The following WFDC3 variants were observed in gnomAD, a reference collection of about 807,000 sequenced individuals.
WFDC3 encodes WAP four-disulfide core domain protein 3.
WFDC3 carries 15 observed loss-of-function variants against 25.8 expected under a neutral mutation model. That is an observed-to-expected ratio of 0.58 (90% confidence interval 0.39 to 0.89). The LOEUF is 0.89. Among genes scored for constraint, WFDC3 ranks in the 40% least tolerant of loss-of-function variants. The pLI, the probability that WFDC3 is intolerant of heterozygous loss-of-function variation, is 0.00. For synonymous variants in WFDC3, 103 were observed against 107.1 expected (o/e 0.96, Z 0.24); for missense variants, 264 against 289.8 (o/e 0.91, Z 0.65).
chr20:45,775,348 C>G, intron 6 of WFDC3, 69 bp downstream of exon 6: 2 of 1,558,466 alleles, frequency 1.3e-6, no homozygotes, highest in Non-Finnish European at 1.7e-6. Context: ...GTCCCCTTCC[C>G]AGCACCTAAG....
At chr20:45,780,308 C>T (rs1170131155) in intron 4 of WFDC3, among the ~76,000 whole-genome samples, 4 of 152,012 alleles carry the variant, frequency 2.6e-5, no homozygotes, top group Non-Finnish European at 5.9e-5. Flanking sequence ...ACCTTCTGGC[C>T]TCAAGCAATC....
chr20:45,788,197 G>A (rs907372890), intron 3 of WFDC3: 4 of 354,140 alleles, frequency 1.1e-5, no homozygotes, highest in African/African-American at 6.5e-5. Flanking sequence ...CCAGCTACTT[G>A]GGAGGCTGAG....
At chr20:45,789,137 C>G in intron 2 of WFDC3, 78 bp from the exon 3 acceptor site, 1 of 1,564,500 alleles carries the variant, frequency 6.4e-7, no homozygotes, top group Non-Finnish European at 8.6e-7. Context: ...CCCCTCCAGG[C>G]ATCTCTATCC....
intron 4 of WFDC3, among the ~76,000 whole-genome samples, chr20:45,786,135 C>T (rs1323776575): frequency 6.6e-6 from 1 of 152,192 alleles, no homozygotes; most frequent in African/African-American, 2.4e-5. Context: ...CACGGTGGCT[C>T]ACGCCAGCCC....
intron 4 of WFDC3, among the ~76,000 whole-genome samples, chr20:45,784,664 C>G (rs1980592483): frequency 6.6e-6 from 1 of 152,158 alleles, no homozygotes; most frequent in Admixed American, 6.6e-5. Flanking sequence ...TCGCTTGAAC[C>G]TGGGAGGTGG....
rs1158318114 is a variant in WFDC3, at chr20:45,787,282, C to CTT, written c.358+552_358+553dup. ...GAATTACCCAGTGGTTTTCTTTTTT[C>CTT]TTTTTTTTTTTTTTTTTTTTTTTTT... On this transcript the variant is annotated intron_variant, in intron 4 of 6. Transcript: ENST00000243938. Among the ~76,000 whole-genome samples, 223 of 73,698 alleles carry CTT rather than the reference C, an allele frequency of 3.0e-3. 12 individuals are homozygous for CTT. The highest frequency in any genetic ancestry group is 5.5e-3 in the African/African-American group (97 of 17,504). 48.3% of individuals were successfully genotyped at this position (73,698 alleles called of 152,430 possible).
intron 4 of WFDC3, among the ~76,000 whole-genome samples, chr20:45,777,539 G>T (rs188948127): frequency 5.3e-5 from 8 of 151,972 alleles, no homozygotes; most frequent in Non-Finnish European, 1.0e-4. Context: ...ATTTTGTAGA[G>T]ACAGGGTCTC....
intron 3 of WFDC3, 141 bp downstream of exon 3, chr20:45,788,790 C>A: frequency 2.6e-6 from 3 of 1,169,588 alleles, no homozygotes; most frequent in Non-Finnish European, 2.4e-6. Context: ...GGAGGAGGGA[C>A]CCTAAAAGAG....
chr20:45,788,024 C>A (rs1197852243), intron 3 of WFDC3, 42 bp from the exon 4 acceptor site: 4 of 1,594,676 alleles, frequency 2.5e-6, no homozygotes, highest in Non-Finnish European at 3.4e-6. Flanking sequence ...AGAAAATAGG[C>A]CGAGCGCCAT....
chr20:45,787,654 C>T (rs1302509200), intron 4 of WFDC3, among the ~76,000 whole-genome samples, 182 bp downstream of exon 4: 3 of 152,060 alleles, frequency 2.0e-5, no homozygotes, highest in Non-Finnish European at 4.4e-5. Context: ...CTGGCACCCT[C>T]CCTCTGCCTG....
chr20:45,777,131 C>T lies in WFDC3; in HGVS notation c.437G>A (p.Gly146Glu). The T allele has an allele frequency of 1.2e-6, 2 of 1,611,338 alleles. No individual in the cohort carries two copies. The highest frequency in any genetic ancestry group is 1.7e-6 in the Non-Finnish European group (2 of 1,178,884). ...ACAGCCGGTGCTGCAGCATTTATGC[C>T]CCTGGGGACAGGATGCATCCCCATC... Reference protein sequence around the residue: ...LCDGDASCPQGHKCCSTGCGR... With the variant: ...LCDGDASCPQEHKCCSTGCGR... The change falls in exon 5 of 7, where the codon GGG becomes GAG. Residue 146 changes from glycine to glutamate, a missense_variant. Transcript: ENST00000243938.
intron 4 of WFDC3, among the ~76,000 whole-genome samples, chr20:45,787,282 C>CTTTTT (rs1158318114): frequency 9.5e-5 from 7 of 73,686 alleles, no homozygotes; most frequent in Admixed American, 1.4e-4. Flanking sequence ...TTTCTTTTTT[C>CTTTTT]TTTTTTTTTT....
At chr20:45,790,715 ACT>A (rs1270642125) in intron 1 of WFDC3, among the ~76,000 whole-genome samples, 3 of 150,618 alleles carry the variant, frequency 2.0e-5, no homozygotes, top group African/African-American at 7.3e-5. Context: ...ACAGAGTGAG[ACT>A]CTGTCTCAAA....
chr20:45,782,161 T>C (rs1980473855), intron 4 of WFDC3, among the ~76,000 whole-genome samples: 1 of 152,104 alleles, frequency 6.6e-6, no homozygotes, highest in Non-Finnish European at 1.5e-5. Context: ...CCAAAACCTC[T>C]TCCCCCAGGT....
intron 4 of WFDC3, among the ~76,000 whole-genome samples, chr20:45,785,427 C>T (rs1455592007): frequency 6.7e-6 from 1 of 150,102 alleles, no homozygotes; most frequent in African/African-American, 2.5e-5. Context: ...CAAGATCACG[C>T]CACTGTACTC....
intron 6 of WFDC3, 72 bp downstream of exon 6, chr20:45,775,345 T>C: frequency 1.3e-6 from 2 of 1,556,856 alleles, no homozygotes; most frequent in Non-Finnish European, 1.7e-6. Context: ...GAAGTCCCCT[T>C]CCCAGCACCT....
At position 45,786,776 on chromosome 20, in the gene WFDC3, G is replaced by A. The variant is rs540417438; in HGVS notation, c.358+1060C>T. 7.2e-5 allele frequency among the ~76,000 whole-genome samples: 11 copies of A among 152,168 alleles called. No homozygotes were observed. The South Asian group carries it at 8.3e-4, about 11-fold the overall frequency. On this transcript the variant is annotated intron_variant, in intron 4 of 6. Coordinates refer to ENST00000243938, the MANE Select transcript of WFDC3 (RefSeq NM_080614.2). ...GTTTCCCACAGGAGACAGCCCCGCC[G>A]TGTGTGTACATAGGGAACATAAGAA...
intron 6 of WFDC3, among the ~76,000 whole-genome samples, chr20:45,774,821 T>C (rs899899240): frequency 6.6e-6 from 1 of 151,430 alleles, no homozygotes; most frequent in Admixed American, 6.6e-5. Flanking sequence ...CAGGCGCCTG[T>C]AAATCCCAGC....
Position 45,787,961 on chromosome 20 carries a change from C to T in WFDC3, c.233G>A (p.Arg78Lys), listed in dbSNP as rs1352094642. The change falls in exon 4 of 7, where the codon AGG becomes AAG. Residue 78 changes from arginine to lysine, a missense_variant. Physicochemically the swap from Arg to Lys is conservative, Grantham distance 26. Transcript: ENST00000243938. ...IPKGRKRDCPRVIRKQSCLKR... is the reference protein window; with the variant it reads ...IPKGRKRDCPKVIRKQSCLKR... Reference sequence around the variant, plus strand: ...CAAACAGGATTGTTTCCGAATAACCCTAGGGCAATCTCTTTTCCTCCCTGT... The same window carrying T: ...CAAACAGGATTGTTTCCGAATAACCTTAGGGCAATCTCTTTTCCTCCCTGT... 2.5e-6 allele frequency: 4 copies of T among 1,613,002 alleles called. No individual in the cohort carries two copies. The South Asian group carries it at 3.3e-5, about 13-fold the overall frequency.
Sources: gnomAD v4.1 joint callset for allele counts (sites outside exome capture counted in the v4.1 genomes callset) on GRCh38, gnomAD v4.1.1 for gene constraint, MANE v1.5 for transcripts, NCBI Gene and HGNC (gene_info 2026-07-23, HGNC 2026-07-21) for gene names.